The following PLCB4 variants were observed in gnomAD, a reference collection of about 807,000 sequenced individuals.
The protein encoded by PLCB4 is phospholipase C beta 4.
In PLCB4, 77 loss-of-function variants were observed where a neutral mutation model predicts 178.8. The observed-to-expected ratio is 0.43, with a 90% CI of 0.36 to 0.52. The LOEUF is 0.52. PLCB4 is among the 20% of genes least tolerant of loss of function. PLCB4 has a pLI of 0.00. For missense variants in PLCB4, 1,024 were observed against 1,453.4 expected, an observed-to-expected ratio of 0.70 and a Z score of 4.80; for synonymous variants, 496 against 490.8, an observed-to-expected ratio of 1.01 and a Z score of -0.14.
chr20:9,465,033 A>G (rs948876654), intron 35 of PLCB4, among the ~76,000 whole-genome samples: 1 of 152,240 alleles, frequency 6.6e-6, no homozygotes, highest in African/African-American at 2.4e-5. Flanking sequence ...AAAATCCTCA[A>G]TAAGATAAAT....
chr20:9,366,072 A>T (rs1036793837), intron 9 of PLCB4, among the ~76,000 whole-genome samples: 1 of 152,068 alleles, frequency 6.6e-6, no homozygotes, highest in African/African-American at 2.4e-5. Flanking sequence ...CTTTGCCCTG[A>T]TGCAGGTAAC....
chr20:9,440,758 A>G (rs2042056386), intron 30 of PLCB4, among the ~76,000 whole-genome samples: 1 of 152,168 alleles, frequency 6.6e-6, no homozygotes, highest in African/African-American at 2.4e-5. Context: ...TGCCACCCTG[A>G]TCATAATATA....
At chr20:9,154,050 C>G (rs1179166906) in intron 2 of PLCB4, among the ~76,000 whole-genome samples, 2 of 152,270 alleles carry the variant, frequency 1.3e-5, no homozygotes, top group African/African-American at 4.8e-5. Flanking sequence ...ATCCCAGACT[C>G]CCATCTTTCT....
At chr20:9,232,992 T>A in intron 3 of PLCB4, among the ~76,000 whole-genome samples, 1 of 152,106 alleles carries the variant, frequency 6.6e-6, no homozygotes, top group Non-Finnish European at 1.5e-5. Flanking sequence ...AAGAGTTTAT[T>A]AGTTCCCAGA....
chr20:9,088,093 T>C (rs1190504768), intron 1 of PLCB4, among the ~76,000 whole-genome samples: 1 of 152,152 alleles, frequency 6.6e-6, no homozygotes, highest in Non-Finnish European at 1.5e-5. Context: ...GTTTCTGCAC[T>C]GAAGCAGGCA....
At chr20:9,371,111 T>A (rs1361635596) in intron 9 of PLCB4, 103 bp from the exon 10 acceptor site, 5 of 767,554 alleles carry the variant, frequency 6.5e-6, no homozygotes, top group Non-Finnish European at 9.4e-6. Context: ...CTCCTCTTCC[T>A]TTTACCCTAG....
chr20:9,280,633 T>A (rs945458156), intron 3 of PLCB4, among the ~76,000 whole-genome samples: 1 of 151,990 alleles, frequency 6.6e-6, no homozygotes, highest in Non-Finnish European at 1.5e-5. Flanking sequence ...TTGTGACTTA[T>A]TGATTTTGTA....
intron 2 of PLCB4, among the ~76,000 whole-genome samples, chr20:9,140,433 G>A (rs2092465053): frequency 6.6e-6 from 1 of 152,072 alleles, no homozygotes; most frequent in South Asian, 2.1e-4. Context: ...CTCCTGTTAG[G>A]TACTGATAAG....
intron 3 of PLCB4, among the ~76,000 whole-genome samples, chr20:9,306,799 G>T (rs1007938119): frequency 3.9e-5 from 6 of 152,172 alleles, no homozygotes; most frequent in Non-Finnish European, 8.8e-5. Flanking sequence ...TAAAAGGAAC[G>T]CTGAGTTCTT....
At chr20:9,470,653 TTTATC>T (rs2044127853) in intron 36 of PLCB4, among the ~76,000 whole-genome samples, 1 of 152,208 alleles carries the variant, frequency 6.6e-6, no homozygotes, top group Admixed American at 6.5e-5. Flanking sequence ...GTCTTAAAAA[TTTATC>T]TTATTTTGAA....
intron 2 of PLCB4, among the ~76,000 whole-genome samples, chr20:9,158,921 G>A (rs570125585): frequency 1.3e-5 from 2 of 152,202 alleles, no homozygotes; most frequent in East Asian, 3.9e-4. Context: ...TCACCTTGTA[G>A]TTTATTAGTG....
chr20:9,324,140 A>G (rs899288601), intron 4 of PLCB4, among the ~76,000 whole-genome samples: 1 of 150,122 alleles, frequency 6.7e-6, no homozygotes, highest in Admixed American at 6.7e-5. Flanking sequence ...GTGCCATTGC[A>G]CTCCAGCCTA....
chr20:9,468,497 G>C, intron 35 of PLCB4, 74 bp from the exon 36 acceptor site: 2 of 875,776 alleles, frequency 2.3e-6, no homozygotes, highest in South Asian at 1.4e-5. Context: ...TTTTCCCCAG[G>C]TGAATCTCTC....
chr20:9,368,947 C>A (rs2036008852), intron 9 of PLCB4, among the ~76,000 whole-genome samples: 1 of 152,130 alleles, frequency 6.6e-6, no homozygotes, highest in African/African-American at 2.4e-5. Context: ...GAACATGGGG[C>A]TATATAGAGA....
At chr20:9,444,123 G>T in intron 31 of PLCB4, 55 bp from the exon 32 acceptor site, 1 of 1,465,926 alleles carries the variant, frequency 6.8e-7, no homozygotes, top group South Asian at 1.2e-5. Context: ...TAATCATTGT[G>T]ATTACAAAAA....
At chr20:9,284,621 C>T (rs1568522496) in intron 3 of PLCB4, among the ~76,000 whole-genome samples, 1 of 151,840 alleles carries the variant, frequency 6.6e-6, no homozygotes, top group Non-Finnish European at 1.5e-5. Flanking sequence ...GATTTCTCAC[C>T]TTGGTCCCCC....
chr20:9,393,664 C>T lies in PLCB4; in HGVS notation c.1400C>T (p.Pro467Leu), dbSNP rs992960959. ...CTCATAAAAAACAAGCGGCTGAAAC[C>T]TGAAGTTGAAAAAAGTAAGTGAAAC... ...KILIKNKRLK[P>L]EVEKKQLEAL... The change falls in exon 18 of 40, where the codon CCT (proline) becomes CTT (leucine). Residue 467 changes from proline to leucine, a missense_variant. Pro to Leu is a moderately conservative substitution (Grantham distance 98, BLOSUM62 -3). Coordinates refer to ENST00000378473, the MANE Select transcript of PLCB4 (RefSeq NM_001377142.1). 1.9e-6 allele frequency: 3 copies of T among 1,609,350 alleles called. No individual in the cohort carries two copies. In the African/African-American group the frequency reaches 4.0e-5, roughly 22 times the overall value.
In PLCB4 at chr20:9,453,458, A is replaced by C. The variant is rs1245867779; in HGVS notation, c.2992A>C (p.Lys998Gln). The change falls in exon 33 of 40, where the codon AAG (lysine) becomes CAG (glutamine). Residue 998 changes from lysine (K) to glutamine (Q), a missense_variant. By Grantham distance (53) the Lys-to-Gln change is moderately conservative (BLOSUM62 1). Around this residue, in one of 7 missense-constraint regions of PLCB4, gnomAD observed 264 missense variants for 283.2 expected, o/e 0.93. Transcript: ENST00000378473. ...AATCCTAGAGAAGGCAATGAAGAAGAAGGGGTAATACTGTTTATTTCCTTC... is the reference window on the plus strand; with the variant it reads ...AATCCTAGAGAAGGCAATGAAGAAGCAGGGGTAATACTGTTTATTTCCTTC... Reference protein sequence around the residue: ...EKILEKAMKKKGGSNCLEMKK... With the variant: ...EKILEKAMKKQGGSNCLEMKK... 6.5e-7 allele frequency: 1 copy of C among 1,534,240 alleles called. No individual in the cohort carries two copies. Among genetic ancestry groups the C allele is most frequent in the Admixed American group, 1.7e-5 (1 of 59,852 alleles).
intron 2 of PLCB4, among the ~76,000 whole-genome samples, chr20:9,215,017 G>A (rs535037425): frequency 6.6e-6 from 1 of 152,294 alleles, no homozygotes; most frequent in Non-Finnish European, 1.5e-5. Flanking sequence ...TTCTCAAAAC[G>A]AGGAGCATGG....
Sources: gnomAD v4.1 joint callset for allele counts (sites outside exome capture counted in the v4.1 genomes callset) on GRCh38, gnomAD v4.1.1 for gene constraint, gnomAD v4.1.1 regional missense constraint, MANE v1.5 for transcripts, NCBI Gene and HGNC (gene_info 2026-07-23, HGNC 2026-07-21) for gene names.